Variants in GPAM observed in about 807,000 individuals in gnomAD.
GPAM encodes the protein glycerol-3-phosphate acyltransferase 1, mitochondrial.
Under a neutral mutation model 105.0 loss-of-function variants are expected in GPAM, and 56 were observed. That is an observed-to-expected ratio of 0.53 (90% CI 0.43 to 0.67). GPAM has a LOEUF of 0.67. Ranked by LOEUF, GPAM falls within the 30% of genes least tolerant of loss-of-function variation. The pLI is 0.00. For synonymous variants in GPAM, 368 were observed against 354.4 expected, an observed-to-expected ratio of 1.04 and a Z score of -0.43; for missense variants, 855 against 989.8, an observed-to-expected ratio of 0.86 and a Z score of 1.83.
At chr10:112,173,550 G>C (rs1847350589) in intron 7 of GPAM, 149 bp downstream of exon 7, 7 of 834,234 alleles carry the variant, frequency 8.4e-6, no homozygotes, top group South Asian at 4.5e-5. Flanking sequence ...AGCTGAATAA[G>C]AATATAAGAA....
chr10:112,182,653 G>A (rs112866859), intron 2 of GPAM, 141 bp downstream of exon 2: 2 of 152,294 alleles, frequency 1.3e-5, no homozygotes, highest in African/African-American at 4.8e-5. Flanking sequence ...TCCTTTGGAA[G>A]GCATATTCCA....
At chr10:112,193,919 T>C (rs1311537796) in intron 1 of GPAM, among the ~76,000 whole-genome samples, 1 of 152,180 alleles carries the variant, frequency 6.6e-6, no homozygotes, top group African/African-American at 2.4e-5. Flanking sequence ...ACAAAATTTG[T>C]CCTAAATTTT....
chr10:112,219,457 G>A (rs1461504203), upstream of GPAM, among the ~76,000 whole-genome samples: 2 of 152,176 alleles, frequency 1.3e-5, no homozygotes, highest in East Asian at 3.9e-4. Flanking sequence ...ATCTTGATTC[G>A]TGGCACCAAG....
At chr10:112,210,017 C>T (rs1847893781) in intron 1 of GPAM, among the ~76,000 whole-genome samples, 1 of 152,032 alleles carries the variant, frequency 6.6e-6, no homozygotes, top group Non-Finnish European at 1.5e-5. Flanking sequence ...CCTGGAGAGC[C>T]CAGGAGCCGT....
intron 19 of GPAM, chr10:112,156,691 T>C (rs1847023908): frequency 1.2e-5 from 2 of 165,154 alleles, no homozygotes; most frequent in Admixed American, 1.1e-4. Context: ...AAGAAGACAA[T>C]TTCTAAATGT....
At chr10:112,167,632 T>C (rs1401677805) in intron 11 of GPAM, among the ~76,000 whole-genome samples, 2 of 152,192 alleles carry the variant, frequency 1.3e-5, no homozygotes, top group East Asian at 3.9e-4. Context: ...TGTTATCCAA[T>C]TTACGTAAGT....
intron 12 of GPAM, among the ~76,000 whole-genome samples, 168 bp from the exon 13 acceptor site, chr10:112,164,778 A>G (rs543819769): frequency 6.6e-6 from 1 of 152,258 alleles, no homozygotes; most frequent in Non-Finnish European, 1.5e-5. Flanking sequence ...GTCCAGAATG[A>G]TTCACAGAAT....
chr10:112,219,877 GCC>G (rs1848002738), upstream of GPAM, among the ~76,000 whole-genome samples: 1 of 152,092 alleles, frequency 6.6e-6, no homozygotes. Context: ...TTAAATGATA[GCC>G]CTTCCCTAAA....
the GPAM span, among the ~76,000 whole-genome samples, chr10:112,223,142 C>A: frequency 6.6e-6 from 1 of 152,188 alleles, no homozygotes; most frequent in Non-Finnish European, 1.5e-5. Context: ...CTGACCTAAT[C>A]CTTCCTTTGC....
intron 1 of GPAM, among the ~76,000 whole-genome samples, chr10:112,190,715 C>T (rs1847647346): frequency 1.3e-5 from 2 of 151,984 alleles, no homozygotes; most frequent in South Asian, 4.2e-4. Flanking sequence ...ATAACGGCAC[C>T]CCACACTTGG....
At chr10:112,223,484 G>A in the GPAM span, among the ~76,000 whole-genome samples, 1 of 152,324 alleles carries the variant, frequency 6.6e-6, no homozygotes, top group East Asian at 1.9e-4. Flanking sequence ...CTATTTTGAA[G>A]TCACATGTTG....
chr10:112,172,639 A>T (rs537858011), intron 8 of GPAM, among the ~76,000 whole-genome samples: 1 of 152,328 alleles, frequency 6.6e-6, no homozygotes, highest in South Asian at 2.1e-4. Context: ...TTTGAAATCC[A>T]GGGCAAGTCA....
At chr10:112,160,247 A>G (rs913754689) in intron 16 of GPAM, 194 bp from the exon 17 acceptor site, 5 of 416,446 alleles carry the variant, frequency 1.2e-5, no homozygotes, top group Non-Finnish European at 1.6e-5. Flanking sequence ...ACCTTCTCCA[A>G]AGACATAAGC....
chr10:112,154,141 A>T, intron 21 of GPAM: 1 of 191,622 alleles, frequency 5.2e-6, no homozygotes, highest in Non-Finnish European at 1.1e-5. Flanking sequence ...CTAATCCCAA[A>T]ATCAAAAATC....
At chr10:112,168,638 C>A in intron 10 of GPAM, 114 bp from the exon 11 acceptor site, 1 of 774,996 alleles carries the variant, frequency 1.3e-6, no homozygotes, top group Non-Finnish European at 2.2e-6. Context: ...TCACTACTGA[C>A]AAAGTATCTT....
At position 112,152,196 on chromosome 10, in the gene GPAM, C is replaced by G; in HGVS notation, c.*1354G>C. The G allele has an allele frequency of 1.0e-6, 1 of 976,904 alleles. No individual in the cohort carries two copies. The highest frequency in any genetic ancestry group is 1.2e-6 in the Non-Finnish European group (1 of 822,346). 60.5% of individuals were successfully genotyped at this position (976,904 alleles called of 1,614,324 possible). A position where few individuals can be genotyped will look rare whatever the true frequency, so the allele number is the denominator to read the frequency against. ...ACTCATCTGGAAAAATTCTTAATTCCATAATATCTTGGAGATAAGCAACAG... is the reference window on the plus strand; with the variant it reads ...ACTCATCTGGAAAAATTCTTAATTCGATAATATCTTGGAGATAAGCAACAG... On this transcript the variant is annotated 3_prime_UTR_variant, in exon 22 of 22. Coordinates refer to ENST00000348367, the MANE Select transcript of GPAM (RefSeq NM_001244949.2).
the GPAM span, among the ~76,000 whole-genome samples, chr10:112,220,993 T>C: frequency 6.6e-6 from 1 of 152,142 alleles, no homozygotes; most frequent in Non-Finnish European, 1.5e-5. Flanking sequence ...TAGTGGGGAC[T>C]GGGGTCAAGT....
chr10:112,226,813 A>G, the GPAM span, among the ~76,000 whole-genome samples: 1 of 152,192 alleles, frequency 6.6e-6, no homozygotes, highest in African/African-American at 2.4e-5. Context: ...AAGTCTAGAC[A>G]CATTCCAGAG....
chr10:112,224,774 T>TA, the GPAM span, among the ~76,000 whole-genome samples: 1 of 152,140 alleles, frequency 6.6e-6, no homozygotes, highest in South Asian at 2.1e-4. Flanking sequence ...TTATGAATAT[T>TA]AAATAGATGA....
Sources: allele counts gnomAD v4.1 joint callset (sites outside exome capture counted in the v4.1 genomes callset), GRCh38; gene constraint gnomAD v4.1.1; transcripts MANE v1.5; gene names NCBI Gene and HGNC (gene_info 2026-07-23, HGNC 2026-07-21).